TRABD2B: variants seen among roughly 807,000 people sequenced by gnomAD.
The protein encoded by TRABD2B is TraB domain containing 2B.
A neutral mutation model predicts 40.1 loss-of-function variants in TRABD2B; 14 were observed. The ratio of observed to expected loss-of-function variants is 0.35; its 90% CI spans 0.23 to 0.55. TRABD2B has a LOEUF of 0.55. Among genes scored for constraint, TRABD2B ranks in the 20% least tolerant of loss-of-function variants. The pLI, the probability that TRABD2B is intolerant of heterozygous loss-of-function variation, is 0.90. For missense variants in TRABD2B, 541 were observed against 648.6 expected, an observed-to-expected ratio of 0.83 and a Z score of 1.80; for synonymous variants, 263 against 277.0, an observed-to-expected ratio of 0.95 and a Z score of 0.50.
chr1:47,766,926 A>G (rs1231851835), intron 6 of TRABD2B, among the ~76,000 whole-genome samples: 3 of 152,200 alleles, frequency 2.0e-5, no homozygotes, highest in African/African-American at 7.2e-5. Context: ...ATGGAAGGAG[A>G]GTCAGGGCAG....
At chr1:47,831,624 G>A (rs113322390) in intron 2 of TRABD2B, among the ~76,000 whole-genome samples, 2 of 152,270 alleles carry the variant, frequency 1.3e-5, no homozygotes, top group African/African-American at 4.8e-5. Context: ...AGAGGAGAGT[G>A]GATTAATTGG....
At chr1:47,922,033 TG>T (rs745948220) in intron 2 of TRABD2B, among the ~76,000 whole-genome samples, 3 of 152,288 alleles carry the variant, frequency 2.0e-5, no homozygotes, top group East Asian at 1.9e-4. Flanking sequence ...GAGGCAGAAC[TG>T]GGGTGCAGGC....
chr1:47,852,854 ATTTCAAAG>A (rs1395327053), intron 2 of TRABD2B, among the ~76,000 whole-genome samples: 6 of 152,174 alleles, frequency 3.9e-5, no homozygotes, highest in Non-Finnish European at 8.8e-5. Context: ...AAAGTTGAGT[ATTTCAAAG>A]TATATATATA....
chr1:47,855,371 C>G (rs1384361848), intron 2 of TRABD2B, among the ~76,000 whole-genome samples: 1 of 152,226 alleles, frequency 6.6e-6, no homozygotes, highest in African/African-American at 2.4e-5. Flanking sequence ...GCAATCACTT[C>G]TGAGGCTGGA....
At chr1:47,842,831 G>T (rs1407930090) in intron 2 of TRABD2B, among the ~76,000 whole-genome samples, 1 of 152,188 alleles carries the variant, frequency 6.6e-6, no homozygotes, top group African/African-American at 2.4e-5. Flanking sequence ...TGGTGTGTAG[G>T]GTGGTGATAA....
intron 2 of TRABD2B, among the ~76,000 whole-genome samples, chr1:47,903,175 A>G (rs1270250302): frequency 6.6e-6 from 1 of 152,086 alleles, no homozygotes; most frequent in African/African-American, 2.4e-5. Context: ...TGTCTATCTC[A>G]GCTTCTAGAC....
chr1:47,977,680 GA>G (rs113365038), intron 2 of TRABD2B, among the ~76,000 whole-genome samples: 2,647 of 131,468 alleles, frequency 0.02, 61 homozygotes, highest in African/African-American at 0.062. Context: ...TGGCCGGGAT[GA>G]AAAAAAAAAA....
intron 2 of TRABD2B, among the ~76,000 whole-genome samples, chr1:47,899,646 A>C (rs1644572324): frequency 6.6e-6 from 1 of 152,204 alleles, no homozygotes; most frequent in Non-Finnish European, 1.5e-5. Flanking sequence ...CATTTTGAAG[A>C]AGAAAAAGGA....
intron 6 of TRABD2B, among the ~76,000 whole-genome samples, chr1:47,773,430 A>C (rs1470996087): frequency 3.3e-5 from 5 of 152,244 alleles, no homozygotes; most frequent in African/African-American, 1.2e-4. Context: ...GTCTCCACCC[A>C]AATCTCATCT....
chr1:47,891,316 G>A (rs1202779144), intron 2 of TRABD2B, among the ~76,000 whole-genome samples: 2 of 152,178 alleles, frequency 1.3e-5, no homozygotes, highest in African/African-American at 2.4e-5. Context: ...CGCCATGTAG[G>A]AAAAGGTGCT....
In TRABD2B at chr1:47,996,538, G is replaced by T; in HGVS notation, c.102+150C>A. ...TGGGAGCTGGAGCCGGGACAGGCAG[G>T]AGCGAAGGAAGGGCGCCCGAGGCTG... is the stretch of plus-strand genomic sequence containing the variant. On this transcript the variant is annotated intron_variant, in intron 1 of 6. Coordinates refer to ENST00000606738, the MANE Select transcript of TRABD2B (RefSeq NM_001194986.2). The surrounding 1 kb of genome is among the most constrained non-coding windows in gnomAD (Gnocchi z 4.6). 2 of 904,744 alleles carry T rather than the reference G, an allele frequency of 2.2e-6. No homozygotes were observed. The highest frequency in any genetic ancestry group is 1.4e-6 in the Non-Finnish European group (1 of 702,248). 56.0% of individuals were successfully genotyped at this position (904,744 alleles called of 1,614,324 possible).
intron 2 of TRABD2B, among the ~76,000 whole-genome samples, chr1:47,944,091 C>G (rs969719000): frequency 6.6e-6 from 1 of 152,152 alleles, no homozygotes; most frequent in African/African-American, 2.4e-5. Flanking sequence ...CTTGGCAAAG[C>G]CTTAAAGGAG....
intron 2 of TRABD2B, among the ~76,000 whole-genome samples, chr1:47,879,581 C>A (rs539449639): frequency 6.6e-6 from 1 of 152,364 alleles, no homozygotes; most frequent in South Asian, 2.1e-4. Context: ...TTAAGTCATG[C>A]ATGACTCTAT....
At chr1:47,782,736 C>A (rs2124125396) in intron 4 of TRABD2B, among the ~76,000 whole-genome samples, 1 of 152,262 alleles carries the variant, frequency 6.6e-6, no homozygotes, top group Admixed American at 6.5e-5. Flanking sequence ...GCATGCCGTC[C>A]TCAGGAGCTG....
chr1:47,776,410 G>A (rs1030219167), intron 5 of TRABD2B, among the ~76,000 whole-genome samples: 1 of 152,172 alleles, frequency 6.6e-6, no homozygotes, highest in South Asian at 2.1e-4. Context: ...GTTGTCATGA[G>A]GATGAATGAG....
intron 2 of TRABD2B, among the ~76,000 whole-genome samples, chr1:47,975,887 A>T (rs1489948197): frequency 1.3e-5 from 2 of 152,202 alleles, no homozygotes; most frequent in African/African-American, 4.8e-5. Flanking sequence ...ATTTGGAGTG[A>T]CAAGAGGAAG....
At chr1:47,815,984 G>A (rs901500798) in intron 2 of TRABD2B, among the ~76,000 whole-genome samples, 24 of 152,188 alleles carry the variant, frequency 1.6e-4, no homozygotes, top group African/African-American at 5.5e-4. Context: ...GGGGTCCTGG[G>A]GAGACTGAGA....
intron 2 of TRABD2B, among the ~76,000 whole-genome samples, chr1:47,849,124 T>C (rs534350856): frequency 8.1e-4 from 124 of 152,286 alleles, no homozygotes; most frequent in Non-Finnish European, 1.5e-3. Context: ...TCCTACTCCC[T>C]CCTAATTCAT....
At chr1:47,790,079 C>A (rs563099567) in intron 4 of TRABD2B, among the ~76,000 whole-genome samples, 1 of 152,248 alleles carries the variant, frequency 6.6e-6, no homozygotes, top group South Asian at 2.1e-4. Flanking sequence ...ATTTTAACTT[C>A]AAACACAGTT....
Sources: allele counts gnomAD v4.1 joint callset (sites outside exome capture counted in the v4.1 genomes callset), GRCh38; gene constraint gnomAD v4.1.1; non-coding constraint Gnocchi (gnomAD v3.1); transcripts MANE v1.5; gene names NCBI Gene and HGNC (gene_info 2026-07-23, HGNC 2026-07-21).